The following METTL13 variants were observed in gnomAD, a reference collection of about 807,000 sequenced individuals.
The protein encoded by METTL13 is methyltransferase 13, eEF1A N-terminus and K55, also known as eEF1A lysine and N-terminal methyltransferase.
In METTL13, 52 loss-of-function variants were observed where a neutral mutation model predicts 67.4. The observed-to-expected ratio is 0.77, with a 90% CI of 0.62 to 0.97. The LOEUF is 0.97. Among genes scored for constraint, METTL13 ranks in the 50% least tolerant of loss-of-function variants. The probability of loss-of-function intolerance (pLI) is 0.00; values close to 1 mark genes in which losing one functional copy is unlikely to be tolerated. For missense variants in METTL13, 825 were observed against 889.6 expected (o/e 0.93, Z 0.92); for synonymous variants, 354 against 353.6 (o/e 1.00, Z -0.01).
At chr1:171,786,664 T>C (rs1455616572) in intron 3 of METTL13, among the ~76,000 whole-genome samples, 1 of 152,158 alleles carries the variant, frequency 6.6e-6, no homozygotes, top group African/African-American at 2.4e-5. Flanking sequence ...GATCCTTTTT[T>C]TTCTTTTTTG....
chr1:171,790,210 G>A (rs992691240), intron 4 of METTL13, among the ~76,000 whole-genome samples: 2 of 152,214 alleles, frequency 1.3e-5, no homozygotes, highest in East Asian at 1.9e-4. Context: ...ATCTGCCCCC[G>A]TGACCAGCAT....
At chr1:171,785,124 C>T (rs1361008621) in intron 2 of METTL13, among the ~76,000 whole-genome samples, 1 of 152,126 alleles carries the variant, frequency 6.6e-6, no homozygotes, top group Non-Finnish European at 1.5e-5. Flanking sequence ...TATAAAAGCT[C>T]TTAGAAATGG....
intron 2 of METTL13, among the ~76,000 whole-genome samples, chr1:171,785,621 T>C (rs1367873647): frequency 6.6e-6 from 1 of 152,242 alleles, no homozygotes; most frequent in African/African-American, 2.4e-5. Flanking sequence ...GCATTACTGC[T>C]GTTTTTCTTG....
chr1:171,797,569 A>G lies in METTL13; in HGVS notation c.*813A>G, dbSNP rs1163741195. ...TAATGAAAGTTAATGTGTTCCAGGC[A>G]TTCTTCTAAGTGGTTTACATGCACT... On this transcript the variant is annotated 3_prime_UTR_variant, in exon 8 of 8. Transcript: ENST00000361735. 6.6e-6 allele frequency: 1 copy of G among 152,248 alleles called. No individual in the cohort carries two copies. Among genetic ancestry groups the G allele is most frequent in the Non-Finnish European group, 1.5e-5 (1 of 68,052 alleles). 9.4% of individuals were successfully genotyped at this position (152,248 alleles called of 1,614,324 possible).
chr1:171,784,628 G>C, intron 2 of METTL13, 129 bp downstream of exon 2: 1 of 1,206,414 alleles, frequency 8.3e-7, no homozygotes, highest in Admixed American at 3.6e-5. Context: ...GTCTTGCAGG[G>C]GTTTGTACTT....
chr1:171,784,077 C>G lies in METTL13; in HGVS notation c.491C>G (p.Ala164Gly), dbSNP rs1656917753. Residue 164 changes from alanine to glycine, a missense_variant, in exon 2 of 8, where the codon GCT (alanine) becomes GGT (glycine). Transcript: ENST00000361735. Reference sequence around the variant, plus strand: ...TATCTCTGCATCTCCCTGGCTCAGGCTCACATCCTGAAGAAAGCAGTGGGC... The same window carrying G: ...TATCTCTGCATCTCCCTGGCTCAGGGTCACATCCTGAAGAAAGCAGTGGGC... ...GRYLCISLAQ[A>G]HILKKAVGHF... is the part of the protein sequence containing the mutation. 2.5e-6 allele frequency: 4 copies of G among 1,614,080 alleles called. No homozygotes were observed. The highest frequency in any genetic ancestry group is 2.5e-6 in the Non-Finnish European group (3 of 1,180,040).
rs770998778 is a variant in METTL13, at chr1:171,782,112, AG to A, written c.148del (p.Glu50LysfsTer5). 5 of 1,613,660 alleles carry A rather than the reference AG, an allele frequency of 3.1e-6. No homozygotes were observed. Among genetic ancestry groups the A allele is most frequent in the Non-Finnish European group, 4.2e-6 (5 of 1,179,756 alleles). On this transcript the variant is annotated frameshift_variant, in exon 1 of 8. Coordinates refer to ENST00000361735, the MANE Select transcript of METTL13 (RefSeq NM_015935.5). LOFTEE classifies it high-confidence loss of function. ...CGVLHKYIKPREKVLVIGCGN... is the reference protein window; with the variant it reads ...CGVLHKYIKPXEKVLVIGCGN... ...GGTGCTACATAAATATATCAAGCCC[AG>A]GGAAAAGGTGAGGAGCGCGGGTTGG...
rs151181043 is a variant in METTL13, at chr1:171,787,013, C to T, written c.1114-722C>T. On this transcript the variant is annotated intron_variant, in intron 3 of 7. Transcript: ENST00000361735. ...TGTGGTTTTGCCCACTAGGCTGACT[C>T]GTGTTTACAGATGAATGTAAGTTTG... Among the ~76,000 whole-genome samples, 251 of 152,020 alleles carry T rather than the reference C, an allele frequency of 1.7e-3. 1 individual carries two copies. The highest frequency in any genetic ancestry group is 5.5e-3 in the African/African-American group (228 of 41,456).
At chr1:171,795,600 A>G (rs547653398) in intron 7 of METTL13, among the ~76,000 whole-genome samples, 1 of 152,332 alleles carries the variant, frequency 6.6e-6, no homozygotes, top group South Asian at 2.1e-4. Flanking sequence ...AGATTTGCCA[A>G]GGTGACGCAA....
intron 2 of METTL13, 128 bp downstream of exon 2, chr1:171,784,627 G>C: frequency 1.6e-6 from 2 of 1,216,796 alleles, no homozygotes; most frequent in Non-Finnish European, 2.1e-6. Flanking sequence ...TGTCTTGCAG[G>C]GGTTTGTACT....
rs1308714167 is a variant in METTL13, at chr1:171,796,028, A to G, written c.1826-454A>G. ...ATTACAGGCGTCCACCACCATGCCC[A>G]GCTAATTTTTATATTTTTAGTAGAG... On this transcript the variant is annotated intron_variant, in intron 7 of 7. Transcript: ENST00000361735. 2.0e-5 allele frequency among the ~76,000 whole-genome samples: 3 copies of G among 151,958 alleles called. No individual in the cohort carries two copies. In the East Asian group the frequency reaches 5.8e-4, roughly 29 times the overall value.
intron 7 of METTL13, among the ~76,000 whole-genome samples, chr1:171,795,781 G>T (rs1351910151): frequency 6.6e-6 from 1 of 152,200 alleles, no homozygotes; most frequent in Non-Finnish European, 1.5e-5. Flanking sequence ...CCTGTCACTG[G>T]TTAATACTCT....
In METTL13 at chr1:171,786,070, C is replaced by G. The variant is rs758308732; in HGVS notation, c.1105C>G (p.Gln369Glu). The change falls in exon 3 of 8, where the codon CAG becomes GAG. Residue 369 changes from glutamine (Q) to glutamate (E), a missense_variant. Transcript: ENST00000361735. The part of the protein sequence containing the change: ...MELAPAGMPT[Q>E]QQVPFLSVGG... The stretch of plus-strand genomic sequence containing the variant: ...GCTGGCCCCAGCTGGGATGCCCACC[C>G]AGCAGCAGGTAACAAAGCTTTCGTA... 1 of 1,612,474 alleles carries G rather than the reference C, an allele frequency of 6.2e-7. No individual in the cohort carries two copies. The highest frequency in any genetic ancestry group is 1.7e-5 in the Admixed American group (1 of 59,966).
intron 7 of METTL13, 47 bp from the exon 8 acceptor site, chr1:171,796,435 A>C: frequency 6.3e-7 from 1 of 1,597,966 alleles, no homozygotes; most frequent in Non-Finnish European, 8.6e-7. Context: ...TGTCTTTCAT[A>C]TGTCTCCTGA....
Position 171,792,008 on chromosome 1 carries a change from T to C in METTL13, c.1475-9T>C. ...GGTGGCAATGTGATGCTCTATTCTT[T>C]TCTTACAGAGATCCCACTGGCATTG... On this transcript the variant is annotated splice_polypyrimidine_tract_variant and intron_variant, in intron 5 of 7. Transcript: ENST00000361735. The C allele has an allele frequency of 6.2e-7, 1 of 1,612,346 alleles. No homozygotes were observed. The highest frequency in any genetic ancestry group is 8.5e-7 in the Non-Finnish European group (1 of 1,179,984).
chr1:171,783,671 C>T (rs866629653), intron 1 of METTL13, 69 bp from the exon 2 acceptor site: 4 of 1,518,730 alleles, frequency 2.6e-6, no homozygotes, highest in Non-Finnish European at 3.5e-6. Context: ...AGACTTGATT[C>T]CTTGAAGTAC....
intron 3 of METTL13, 102 bp downstream of exon 3, chr1:171,786,180 T>G: frequency 1.6e-6 from 2 of 1,244,320 alleles, no homozygotes; most frequent in Non-Finnish European, 2.2e-6. Flanking sequence ...AGTCTGTGAC[T>G]CTTCATCTAA....
At chr1:171,796,200 G>T (rs1657369356) in intron 7 of METTL13, among the ~76,000 whole-genome samples, 1 of 152,156 alleles carries the variant, frequency 6.6e-6, no homozygotes, top group Non-Finnish European at 1.5e-5. Flanking sequence ...TATTCTTTGA[G>T]AAGCTATTTG....
chr1:171,795,435 A>C (rs2124907725), intron 7 of METTL13, among the ~76,000 whole-genome samples: 1 of 152,330 alleles, frequency 6.6e-6, no homozygotes, highest in East Asian at 1.9e-4. Flanking sequence ...TGTAGATGCT[A>C]CCACACAGTT....
Sources: gnomAD v4.1 joint callset for allele counts (sites outside exome capture counted in the v4.1 genomes callset) on GRCh38, gnomAD v4.1.1 for gene constraint, MANE v1.5 for transcripts, NCBI Gene and HGNC (gene_info 2026-07-23, HGNC 2026-07-21) for gene names.